Variants in ILDR2 observed in about 807,000 individuals in gnomAD.
ILDR2 encodes immunoglobulin like domain containing receptor 2.
Under a neutral mutation model 66.8 loss-of-function variants are expected in ILDR2, and 25 were observed. The ratio of observed to expected loss-of-function variants is 0.37; its 90% confidence interval spans 0.27 to 0.52. The LOEUF is 0.52. Ranked by LOEUF, ILDR2 falls within the 20% of genes least tolerant of loss-of-function variation. ILDR2 has a pLI of 0.88. For synonymous variants in ILDR2, 367 were observed against 357.2 expected (o/e 1.03, Z -0.31); for missense variants, 827 against 876.8 (o/e 0.94, Z 0.72).
At chr1:166,942,670 C>T (rs1661376192) in intron 3 of ILDR2, among the ~76,000 whole-genome samples, 1 of 152,212 alleles carries the variant, frequency 6.6e-6, no homozygotes, top group Admixed American at 6.5e-5. Flanking sequence ...CATTTCCCCA[C>T]AGGCTGTTTA....
chr1:166,939,029 C>A (rs1661149635), intron 4 of ILDR2, among the ~76,000 whole-genome samples: 1 of 151,966 alleles, frequency 6.6e-6, no homozygotes, highest in African/African-American at 2.4e-5. Context: ...TGTAGGTCTG[C>A]AAATTTGTAT....
intron 2 of ILDR2, among the ~76,000 whole-genome samples, chr1:166,901,710 C>T (rs2101812843): frequency 6.6e-6 from 1 of 152,334 alleles, no homozygotes; most frequent in East Asian, 1.9e-4. Flanking sequence ...AAACCAGGGC[C>T]AGCAGGGTTT....
intron 1 of ILDR2, among the ~76,000 whole-genome samples, chr1:166,974,553 GGA>G (rs1171094029): frequency 8.5e-5 from 13 of 152,096 alleles, no homozygotes; most frequent in Non-Finnish European, 1.6e-4. Flanking sequence ...TTTAGGGAGC[GGA>G]GAGTGCACCT....
At position 166,943,339 on chromosome 1, in the gene ILDR2, A is replaced by G. The variant is rs868645543; in HGVS notation, c.500-3769T>C. Among the ~76,000 whole-genome samples, 74 of 152,084 alleles carry G rather than the reference A, an allele frequency of 4.9e-4. 2 individuals are homozygous for G. The highest frequency in any genetic ancestry group is 1.7e-3 in the Admixed American group (26 of 15,284). On this transcript the variant is annotated intron_variant, in intron 3 of 9. Coordinates refer to ENST00000271417, the MANE Select transcript of ILDR2 (RefSeq NM_199351.3). ...AACCCCGTCTCTACTAAAAATACAA[A>G]AAATTAGCTGGGCGTGGTGGCGGGC...
chr1:166,963,226 A>T (rs539364345), intron 1 of ILDR2, among the ~76,000 whole-genome samples: 1 of 152,230 alleles, frequency 6.6e-6, no homozygotes, highest in Admixed American at 6.5e-5. Flanking sequence ...CCCTTAAATC[A>T]AGTTTCTATT....
chr1:166,975,269 C>G lies in ILDR2; in HGVS notation c.-1G>C. 6.2e-7 allele frequency: 1 copy of G among 1,613,258 alleles called. No individual in the cohort carries two copies. The highest frequency in any genetic ancestry group is 8.5e-7 in the Non-Finnish European group (1 of 1,179,374). ...TCCACCTCAGCAAGACCCTATCCAT[C>G]TTCCCCAACTTCCCAGCCGAATTAC... On this transcript the variant is annotated 5_prime_UTR_variant, in exon 1 of 10. Transcript: ENST00000271417.
chr1:166,975,356 C>G lies in ILDR2; in HGVS notation c.-88G>C. Reference sequence around the variant, plus strand: ...ATCGCTGTCACCCCGCGGCAGCGGGCGGCGGCGGAGCGGCGGGCACCGGGC... The same window carrying G: ...ATCGCTGTCACCCCGCGGCAGCGGGGGGCGGCGGAGCGGCGGGCACCGGGC... On this transcript the variant is annotated 5_prime_UTR_variant, in exon 1 of 10. Coordinates refer to ENST00000271417, the MANE Select transcript of ILDR2 (RefSeq NM_199351.3). 8.1e-7 allele frequency: 1 copy of G among 1,229,912 alleles called. No homozygotes were observed. The highest frequency in any genetic ancestry group is 1.1e-6 in the Non-Finnish European group (1 of 901,892). 76.2% of individuals were successfully genotyped at this position (1,229,912 alleles called of 1,614,324 possible). A position where few individuals can be genotyped will look rare whatever the true frequency, so the allele number is the denominator to read the frequency against.
At chr1:166,953,068 C>G (rs145562070) in intron 3 of ILDR2, among the ~76,000 whole-genome samples, 164 of 152,180 alleles carry the variant, frequency 1.1e-3, no homozygotes, top group African/African-American at 3.8e-3. Context: ...TTTTTGGCAT[C>G]CCACATCTAT....
Position 166,921,495 on chromosome 1 carries a change from CT to C in ILDR2, c.1212-117del. On this transcript the variant is annotated intron_variant, in intron 8 of 9. Coordinates refer to ENST00000271417, the MANE Select transcript of ILDR2 (RefSeq NM_199351.3). The surrounding 1 kb of genome is among the most constrained non-coding windows in gnomAD (Gnocchi z 5.3). The stretch of plus-strand genomic sequence containing the variant: ...ACGCTCAGGAGACCTCGGCCTGAGC[CT>C]CAGCTCCGCTCCAGGCTGGATGAAG... 1 of 806,732 alleles carries C rather than the reference CT, an allele frequency of 1.2e-6. No individual in the cohort carries two copies. The highest frequency in any genetic ancestry group is 1.9e-6 in the Non-Finnish European group (1 of 528,684). 50.0% of individuals were successfully genotyped at this position (806,732 alleles called of 1,614,324 possible). A position where few individuals can be genotyped will look rare whatever the true frequency, so the allele number is the denominator to read the frequency against.
chr1:166,945,544 T>C (rs555305141), intron 3 of ILDR2, among the ~76,000 whole-genome samples: 2 of 152,326 alleles, frequency 1.3e-5, no homozygotes, highest in East Asian at 3.9e-4. Flanking sequence ...AGAGATAAAA[T>C]AACACATAAA....
At chr1:166,924,109 G>A (rs113358571) in intron 7 of ILDR2, among the ~76,000 whole-genome samples, 4 of 152,120 alleles carry the variant, frequency 2.6e-5, no homozygotes, top group South Asian at 2.1e-4. Flanking sequence ...GGGGCAGAGC[G>A]TTTACCACGA....
chr1:166,898,633 A>G (rs1360046577), intron 2 of ILDR2, among the ~76,000 whole-genome samples: 1 of 152,212 alleles, frequency 6.6e-6, no homozygotes, highest in East Asian at 1.9e-4. Context: ...GAAGCTTTGC[A>G]TATTATTTCT....
At chr1:166,974,382 C>T (rs185873584) in intron 1 of ILDR2, among the ~76,000 whole-genome samples, 12 of 152,250 alleles carry the variant, frequency 7.9e-5, no homozygotes, top group African/African-American at 2.6e-4. Flanking sequence ...TCGGAATCCT[C>T]ATGTGGGGAA....
chr1:166,975,188 CAA>C lies in ILDR2; in HGVS notation c.46+33_46+34del, dbSNP rs758774625. On this transcript the variant is annotated intron_variant, in intron 1 of 9. Transcript: ENST00000271417. ...AGAACAGAACCACTACAGGAATATA[CAA>C]AGTTATTCGTTTCTGTTGAAAAGGA... is the stretch of plus-strand genomic sequence containing the variant. The C allele has an allele frequency of 1.6e-5, 25 of 1,557,896 alleles. No individual in the cohort carries two copies. The East Asian group carries it at 4.5e-4, about 28-fold the overall frequency.
chr1:166,954,637 G>T (rs537348095), intron 3 of ILDR2, among the ~76,000 whole-genome samples: 180 of 152,266 alleles, frequency 1.2e-3, no homozygotes, highest in Non-Finnish European at 1.8e-3. Flanking sequence ...TGCAGCCTTG[G>T]TAAGTTTTCC....
At chr1:166,964,139 T>TA (rs71073632) in intron 1 of ILDR2, among the ~76,000 whole-genome samples, 30,926 of 141,886 alleles carry the variant, frequency 0.22, 3,422 homozygotes, top group African/African-American at 0.28. Flanking sequence ...AATCTAAAAA[T>TA]AAAAAAAAAA....
chr1:166,924,426 C>T lies in ILDR2; in HGVS notation c.995-1617G>A, dbSNP rs376979360. On this transcript the variant is annotated intron_variant, in intron 7 of 9. Transcript: ENST00000271417. ...TTTTTATTTATCTAGATAATGAGGA[C>T]GATCTATGTTTCACTATTCACAGTG... 4.6e-5 allele frequency among the ~76,000 whole-genome samples: 7 copies of T among 152,142 alleles called. No individual in the cohort carries two copies. The South Asian group carries it at 1.0e-3, about 23-fold the overall frequency.
chr1:166,910,825 TTAGA>T lies in ILDR2; in HGVS notation c.*8526_*8529del, dbSNP rs1160137766. The T allele has an allele frequency of 3.9e-5, 6 of 152,260 alleles. No individual in the cohort carries two copies. The highest frequency in any genetic ancestry group is 1.3e-4 in the Admixed American group (2 of 15,284). The allele number at this position is 152,260 out of a possible 1,614,324, so 9.4% of individuals were successfully genotyped here. ...AAAGCATATAAAAATTGGATTAGAA[TTAGA>T]TAATCATAGGGAAAAATGAATTATT... On this transcript the variant is annotated 3_prime_UTR_variant, in exon 10 of 10. Coordinates refer to ENST00000271417, the MANE Select transcript of ILDR2 (RefSeq NM_199351.3).
intron 7 of ILDR2, among the ~76,000 whole-genome samples, chr1:166,923,336 TG>T (rs1660073670): frequency 6.6e-6 from 1 of 152,204 alleles, no homozygotes. Flanking sequence ...TGGCCTCCTT[TG>T]GCTGTGCCCC....
Sources: gnomAD v4.1 joint callset for allele counts (sites outside exome capture counted in the v4.1 genomes callset) on GRCh38, gnomAD v4.1.1 for gene constraint, Gnocchi (gnomAD v3.1) non-coding constraint, MANE v1.5 for transcripts, NCBI Gene and HGNC (gene_info 2026-07-23, HGNC 2026-07-21) for gene names.